Variants in DOCK8 observed in about 807,000 individuals in gnomAD.
The protein encoded by DOCK8 is dedicator of cytokinesis 8.
Under a neutral mutation model 245.6 loss-of-function variants are expected in DOCK8, and 141 were observed. The observed-to-expected ratio is 0.57, with a 90% CI of 0.50 to 0.66. The LOEUF is 0.66. Among genes scored for constraint, DOCK8 ranks in the 30% least tolerant of loss-of-function variants. DOCK8 has a pLI of 0.00. For synonymous variants in DOCK8, 1,168 were observed against 970.2 expected (o/e 1.20, Z -3.79); for missense variants, 2,965 against 2,603.4 (o/e 1.14, Z -3.02).
At chr9:423,608 T>G (rs1331881638) in intron 33 of DOCK8, among the ~76,000 whole-genome samples, 6 of 152,216 alleles carry the variant, frequency 3.9e-5, no homozygotes, top group Non-Finnish European at 7.3e-5. Context: ...TTTAAAACAT[T>G]AAAGAAATAA....
chr9:406,273 T>C (rs2055412021), intron 27 of DOCK8, among the ~76,000 whole-genome samples: 1 of 151,956 alleles, frequency 6.6e-6, no homozygotes, highest in Admixed American at 6.6e-5. Context: ...GGGAGTGGAA[T>C]ACTTGAGGCA....
intron 26 of DOCK8, among the ~76,000 whole-genome samples, chr9:399,981 ACCACCTC>A (rs201638060): frequency 2.6e-4 from 35 of 134,706 alleles, no homozygotes; most frequent in Non-Finnish European, 4.4e-4. Flanking sequence ...CTCCACCATC[ACCACCTC>A]CCACCACCTC....
intron 30 of DOCK8, chr9:420,190 T>C (rs1334164648): frequency 1.8e-5 from 11 of 618,052 alleles, no homozygotes; most frequent in Non-Finnish European, 3.2e-5. Flanking sequence ...GGTGAGCCTC[T>C]TTGCTGAGTA....
intron 5 of DOCK8, 51 bp from the exon 6 acceptor site, chr9:311,903 C>T: frequency 1.9e-6 from 3 of 1,603,300 alleles, no homozygotes; most frequent in Non-Finnish European, 2.6e-6. Flanking sequence ...CTTCGGTTCT[C>T]ATTTTAGACT....
intron 7 of DOCK8, among the ~76,000 whole-genome samples, chr9:319,569 A>T: frequency 6.6e-6 from 1 of 152,366 alleles, no homozygotes; most frequent in Non-Finnish European, 1.5e-5. Context: ...CAGTATGAAT[A>T]GTAAAAATAT....
At chr9:439,195 T>TA (rs2057003977) in intron 39 of DOCK8, 50 bp from the exon 40 acceptor site, 2 of 1,613,646 alleles carry the variant, frequency 1.2e-6, no homozygotes, top group East Asian at 2.2e-5. Context: ...TGTGGTCTCT[T>TA]ACTAGTCTGG....
intron 28 of DOCK8, among the ~76,000 whole-genome samples, chr9:411,139 G>A (rs1421642611): frequency 1.2e-4 from 18 of 152,140 alleles, no homozygotes; most frequent in East Asian, 1.9e-4. Context: ...TAGGCTGGGC[G>A]CAGTGGCTCA....
chr9:383,780 G>T (rs1176475430), intron 22 of DOCK8, among the ~76,000 whole-genome samples: 3 of 151,712 alleles, frequency 2.0e-5, no homozygotes, highest in African/African-American at 7.3e-5. Flanking sequence ...ATCCTGAGAG[G>T]GTTGATGGCT....
intron 14 of DOCK8, among the ~76,000 whole-genome samples, chr9:356,936 G>C (rs750942287): frequency 2.0e-5 from 3 of 151,974 alleles, no homozygotes; most frequent in Non-Finnish European, 4.4e-5. Context: ...AAAGCAGTTA[G>C]GTTTCCCCAG....
At chr9:349,900 A>G (rs562645433) in intron 14 of DOCK8, among the ~76,000 whole-genome samples, 37 of 152,322 alleles carry the variant, frequency 2.4e-4, no homozygotes, top group African/African-American at 8.4e-4. Context: ...GAGTAGGGAC[A>G]TGAAAATTAT....
chr9:220,722 T>TC lies in DOCK8; in HGVS notation c.53+5693_53+5694insC, dbSNP rs1383070814. On this transcript the variant is annotated intron_variant, in intron 1 of 47. Transcript: ENST00000432829. ...AGCAGTAGTCTAATTTCTTTCTTTT[T>TC]TTTTTTTTTTCTTTTTTTGAGACAG... The TC allele has an allele frequency of 1.2e-5, 5 of 415,962 alleles. No homozygotes were observed. The Admixed American group carries it at 1.4e-4, about 12-fold the overall frequency. 25.8% of individuals were successfully genotyped at this position (415,962 alleles called of 1,614,324 possible). A position where few individuals can be genotyped will look rare whatever the true frequency, so the allele number is the denominator to read the frequency against.
intron 31 of DOCK8, 58 bp from the exon 32 acceptor site, chr9:420,891 C>T (rs1287840305): frequency 1.2e-6 from 2 of 1,609,254 alleles, no homozygotes; most frequent in African/African-American, 2.7e-5. Flanking sequence ...TTTGGTAACT[C>T]TCCCCATCAA....
rs550211916 is a variant in DOCK8 at position 372,295 on chromosome 9, CA to C, written c.2109+11del. On this transcript the variant is annotated intron_variant, in intron 18 of 47. Coordinates refer to ENST00000432829, the MANE Select transcript of DOCK8 (RefSeq NM_203447.4). ...CCATGCATTCTGCTGAGGTAATTGG[CA>C]AGCTGGCCATCAGCTGTTTCTTGTC... The C allele has an allele frequency of 2.6e-4, 418 of 1,606,418 alleles. 4 individuals are homozygous for C. In the South Asian group the frequency reaches 4.4e-3, roughly 17 times the overall value.
chr9:375,148 G>T, intron 18 of DOCK8, among the ~76,000 whole-genome samples: 1 of 152,246 alleles, frequency 6.6e-6, no homozygotes, highest in East Asian at 1.9e-4. Context: ...CGTGTGTGTA[G>T]GCTAGAGCCC....
intron 29 of DOCK8, among the ~76,000 whole-genome samples, chr9:416,626 TAAG>T (rs1030622663): frequency 3.0e-4 from 46 of 152,326 alleles, no homozygotes; most frequent in South Asian, 1.7e-3. Flanking sequence ...GATAAACTCA[TAAG>T]AATACAGTCT....
chr9:351,251 A>G lies in DOCK8; in HGVS notation c.1679+10930A>G, dbSNP rs565813920. Among the ~76,000 whole-genome samples, 4 of 152,310 alleles carry G rather than the reference A, an allele frequency of 2.6e-5. No homozygotes were observed. The East Asian group carries it at 7.7e-4, about 29-fold the overall frequency. The stretch of plus-strand genomic sequence containing the variant: ...AGAGAGAAGGTTTTGATGTGATCTC[A>G]TCATCGGGGACTGGATTGGACCTGG... On this transcript the variant is annotated intron_variant, in intron 14 of 47. Coordinates refer to ENST00000432829, the MANE Select transcript of DOCK8 (RefSeq NM_203447.4).
At chr9:346,369 AG>A (rs1211156233) in intron 14 of DOCK8, among the ~76,000 whole-genome samples, 1 of 152,162 alleles carries the variant, frequency 6.6e-6, no homozygotes, top group African/African-American at 2.4e-5. Context: ...GCTGAGGCCA[AG>A]GCCCAGCAAG....
chr9:337,866 G>C (rs77918521), intron 12 of DOCK8, among the ~76,000 whole-genome samples: 9,578 of 152,196 alleles, frequency 0.063, 368 homozygotes, highest in East Asian at 0.084. Flanking sequence ...TTAGAAACAG[G>C]TAAGATGGGC....
intron 25 of DOCK8, among the ~76,000 whole-genome samples, chr9:398,640 G>C (rs2054579023): frequency 6.6e-6 from 1 of 152,124 alleles, no homozygotes; most frequent in Non-Finnish European, 1.5e-5. Flanking sequence ...GTATGACTCT[G>C]ACCTCTCTTA....
Sources: gnomAD v4.1 joint callset for allele counts (sites outside exome capture counted in the v4.1 genomes callset) on GRCh38, gnomAD v4.1.1 for gene constraint, MANE v1.5 for transcripts, NCBI Gene and HGNC (gene_info 2026-07-23, HGNC 2026-07-21) for gene names.